GPHN: variants seen among roughly 807,000 people sequenced by gnomAD.
The protein encoded by GPHN is gephyrin.
Under a neutral mutation model 95.5 loss-of-function variants are expected in GPHN, and 17 were observed. The observed-to-expected ratio is 0.18, with a 90% CI of 0.12 to 0.27. GPHN has a LOEUF of 0.27. Among genes scored for constraint, GPHN ranks in the 10% least tolerant of loss-of-function variants. The pLI is 1.00. For synonymous variants in GPHN, 320 were observed against 322.5 expected, an observed-to-expected ratio of 0.99 and a Z score of 0.08; for missense variants, 660 against 978.1, an observed-to-expected ratio of 0.67 and a Z score of 4.34.
intron 6 of GPHN, among the ~76,000 whole-genome samples, chr14:66,922,331 C>T (rs748315850): frequency 1.0e-4 from 15 of 150,658 alleles, no homozygotes; most frequent in Admixed American, 6.0e-4. Flanking sequence ...AGGAGTAGTA[C>T]AGTTCATGAC....
At chr14:67,598,216 G>A in the GPHN span, among the ~76,000 whole-genome samples, 8 of 152,290 alleles carry the variant, frequency 5.3e-5, no homozygotes, top group South Asian at 1.7e-3. Context: ...TTGGCACACA[G>A]AGCCCTTAGA....
chr14:67,358,441 A>C, the GPHN span, among the ~76,000 whole-genome samples: 3 of 152,242 alleles, frequency 2.0e-5, no homozygotes, highest in Non-Finnish European at 4.4e-5. Context: ...CTCAAAGGAC[A>C]GAATGAGGAA....
intron 4 of GPHN, among the ~76,000 whole-genome samples, chr14:66,852,143 A>C (rs1463691535): frequency 6.6e-6 from 1 of 152,242 alleles, no homozygotes; most frequent in Non-Finnish European, 1.5e-5. Context: ...ATGTATCTTT[A>C]ATGTTTGAAC....
intron 8 of GPHN, among the ~76,000 whole-genome samples, chr14:66,954,835 C>G (rs2068374420): frequency 6.6e-6 from 1 of 152,138 alleles, no homozygotes; most frequent in Non-Finnish European, 1.5e-5. Context: ...CATATTGCAT[C>G]AAATGTTTGT....
the GPHN span, chr14:67,384,013 A>G: frequency 6.4e-6 from 1 of 157,378 alleles, no homozygotes; most frequent in Non-Finnish European, 1.4e-5. Flanking sequence ...AGTTTTAGAG[A>G]AAATAAATTT....
the GPHN span, chr14:67,735,304 C>G: frequency 8.3e-6 from 7 of 840,880 alleles, no homozygotes; most frequent in Middle Eastern, 3.4e-4. Context: ...TCTCACCTCT[C>G]TGTAGTGTCT....
the GPHN span, among the ~76,000 whole-genome samples, chr14:67,475,800 C>T: frequency 6.6e-6 from 1 of 152,172 alleles, no homozygotes; most frequent in Non-Finnish European, 1.5e-5. Context: ...CTACTTTCTC[C>T]TCACCCTCCA....
chr14:66,792,738 T>A (rs2060016467), intron 3 of GPHN, among the ~76,000 whole-genome samples: 1 of 152,096 alleles, frequency 6.6e-6, no homozygotes, highest in Admixed American at 6.5e-5. Flanking sequence ...GCTAGAGGAA[T>A]TAAAGACACA....
chr14:67,671,439 T>G, the GPHN span, among the ~76,000 whole-genome samples: 2 of 151,936 alleles, frequency 1.3e-5, no homozygotes, highest in Non-Finnish European at 2.9e-5. Context: ...GGCATGAGAA[T>G]CACTTGAACC....
the GPHN span, among the ~76,000 whole-genome samples, chr14:67,659,210 G>A: frequency 2.0e-5 from 3 of 152,150 alleles, no homozygotes; most frequent in African/African-American, 7.2e-5. Context: ...GCTCCTTCTC[G>A]AGAAGCGCCC....
downstream of GPHN, among the ~76,000 whole-genome samples, chr14:67,186,415 A>G (rs148319696): frequency 6.6e-6 from 1 of 152,340 alleles, no homozygotes; most frequent in East Asian, 1.9e-4. Context: ...ACTTCAATGC[A>G]GGAATATGTT....
chr14:67,341,066 C>T, the GPHN span, among the ~76,000 whole-genome samples: 1 of 152,206 alleles, frequency 6.6e-6, no homozygotes, highest in Non-Finnish European at 1.5e-5. Flanking sequence ...TCCCAAAGTG[C>T]CGAGATTGCA....
At position 66,526,360 on chromosome 14, in the gene GPHN, A is replaced by G. The variant is rs765989921; in HGVS notation, c.64+17769A>G. On this transcript the variant is annotated intron_variant, in intron 1 of 22. Transcript: ENST00000478722. ...TCCTGAGAGTTTGCTGAAGTTGCTT[A>G]TCAGCTTAAGGAGATTTTGGGCTGA... 1.4e-3 allele frequency among the ~76,000 whole-genome samples: 207 copies of G among 152,328 alleles called. 6 individuals carry two copies. Among genetic ancestry groups the G allele is most frequent in the Non-Finnish European group, 3.2e-4 (22 of 68,030 alleles).
the GPHN span, among the ~76,000 whole-genome samples, chr14:67,478,454 A>G: frequency 1.4e-4 from 21 of 152,338 alleles, no homozygotes; most frequent in Non-Finnish European, 2.6e-4. Flanking sequence ...GATGACTCCA[A>G]AGGTCTCCCA....
At chr14:67,627,457 C>T in the GPHN span, among the ~76,000 whole-genome samples, 1 of 151,956 alleles carries the variant, frequency 6.6e-6, no homozygotes, top group African/African-American at 2.4e-5. Flanking sequence ...TTTTCAAGCT[C>T]TAGTTTTGGG....
At chr14:66,647,751 A>G (rs1406610649) in intron 1 of GPHN, among the ~76,000 whole-genome samples, 6 of 152,158 alleles carry the variant, frequency 3.9e-5, no homozygotes, top group African/African-American at 9.6e-5. Context: ...TCAGTTGATC[A>G]TAAGTAACTG....
intron 8 of GPHN, among the ~76,000 whole-genome samples, chr14:66,959,209 G>A (rs900119062): frequency 2.6e-5 from 4 of 151,840 alleles, no homozygotes; most frequent in South Asian, 2.1e-4. Flanking sequence ...TAATTATATG[G>A]GGCAGAAAAG....
intron 9 of GPHN, among the ~76,000 whole-genome samples, chr14:66,995,720 G>A (rs1467174119): frequency 6.6e-6 from 1 of 152,130 alleles, no homozygotes; most frequent in Non-Finnish European, 1.5e-5. Flanking sequence ...ACCAAAAATG[G>A]AATAGTTGAA....
intron 1 of GPHN, among the ~76,000 whole-genome samples, chr14:66,586,775 A>G (rs2061437822): frequency 6.6e-6 from 1 of 152,150 alleles, no homozygotes; most frequent in African/African-American, 2.4e-5. Context: ...AGAAGTTTAT[A>G]GCAATAAACA....
Sources: gnomAD v4.1 joint callset for allele counts (sites outside exome capture counted in the v4.1 genomes callset) on GRCh38, gnomAD v4.1.1 for gene constraint, MANE v1.5 for transcripts, NCBI Gene and HGNC (gene_info 2026-07-23, HGNC 2026-07-21) for gene names.